Variants in RBFOX1 observed in about 807,000 individuals in gnomAD.
RBFOX1 encodes RNA binding protein fox-1 homolog 1.
RBFOX1 carries 8 observed loss-of-function variants against 57.7 expected under a neutral mutation model. The observed-to-expected ratio is 0.14, with a 90% CI of 0.08 to 0.25. RBFOX1 has a LOEUF of 0.25. Ranked by LOEUF, RBFOX1 falls within the 10% of genes least tolerant of loss-of-function variation. The probability of loss-of-function intolerance (pLI) is 1.00; values close to 1 mark genes in which losing one functional copy is unlikely to be tolerated. For synonymous variants in RBFOX1, 326 were observed against 222.4 expected (o/e 1.47, Z -4.15); for missense variants, 611 against 548.5 (o/e 1.11, Z -1.14).
intron 4 of RBFOX1, among the ~76,000 whole-genome samples, chr16:7,403,667 C>G (rs973079570): frequency 2.6e-5 from 4 of 151,272 alleles, no homozygotes; most frequent in Admixed American, 6.6e-5. Flanking sequence ...CTGCCTCAGC[C>G]TCCTGAATAG....
intron 3 of RBFOX1, among the ~76,000 whole-genome samples, chr16:5,765,560 G>GTT (rs2053747054): frequency 6.6e-6 from 1 of 152,224 alleles, no homozygotes; most frequent in South Asian, 2.1e-4. Flanking sequence ...GACACACAGA[G>GTT]AGTGCTTAAT....
At chr16:5,676,179 GCAAA>G in intron 3 of RBFOX1, among the ~76,000 whole-genome samples, 1 of 151,850 alleles carries the variant, frequency 6.6e-6, no homozygotes, top group East Asian at 1.9e-4. Context: ...GATAGGTGTA[GCAAA>G]CCACCATGGC....
chr16:7,100,333 TG>T (rs947585437), intron 4 of RBFOX1, among the ~76,000 whole-genome samples: 3 of 152,118 alleles, frequency 2.0e-5, no homozygotes, highest in Non-Finnish European at 2.9e-5. Flanking sequence ...TTGGACATTA[TG>T]AAAAAATTTG....
chr16:5,861,290 C>T (rs1190460233), intron 3 of RBFOX1, among the ~76,000 whole-genome samples: 5 of 152,200 alleles, frequency 3.3e-5, no homozygotes, highest in African/African-American at 7.2e-5. Context: ...ACCCCCGTGC[C>T]ACACAGGTGA....
intron 2 of RBFOX1, among the ~76,000 whole-genome samples, chr16:6,376,505 G>A (rs1271415334): frequency 6.6e-6 from 1 of 152,128 alleles, no homozygotes; most frequent in Non-Finnish European, 1.5e-5. Flanking sequence ...GCATTCCCTG[G>A]CATTCTGCGG....
chr16:7,369,519 T>C (rs1360731439), intron 4 of RBFOX1, among the ~76,000 whole-genome samples: 1 of 152,184 alleles, frequency 6.6e-6, no homozygotes, highest in Non-Finnish European at 1.5e-5. Context: ...TCCTAGTTAC[T>C]CTTTACATGG....
chr16:6,571,409 G>C (rs578074034), intron 2 of RBFOX1, among the ~76,000 whole-genome samples: 1 of 152,320 alleles, frequency 6.6e-6, no homozygotes, highest in Non-Finnish European at 1.5e-5. Context: ...TCAGGTGACT[G>C]TGATCTATGG....
At chr16:6,733,259 C>G (rs1377180346) in intron 3 of RBFOX1, among the ~76,000 whole-genome samples, 3 of 152,028 alleles carry the variant, frequency 2.0e-5, no homozygotes, top group Non-Finnish European at 2.9e-5. Context: ...TGAAATTTGG[C>G]CTTCAGTGTG....
At chr16:5,856,599 AT>A (rs1295561390) in intron 3 of RBFOX1, among the ~76,000 whole-genome samples, 1,489 of 104,480 alleles carry the variant, frequency 0.014, 192 homozygotes, top group Non-Finnish European at 0.02. Context: ...ATATATATAT[AT>A]ATATAATCTT....
At chr16:7,578,914 C>T (rs989744843) in intron 5 of RBFOX1, among the ~76,000 whole-genome samples, 1 of 152,136 alleles carries the variant, frequency 6.6e-6, no homozygotes, top group Non-Finnish European at 1.5e-5. Context: ...AATGTAACGT[C>T]ATGTTATACA....
intron 4 of RBFOX1, among the ~76,000 whole-genome samples, chr16:7,421,018 A>G (rs1376744533): frequency 6.6e-6 from 1 of 151,370 alleles, no homozygotes; most frequent in East Asian, 1.9e-4. Flanking sequence ...TGGGAGGCGA[A>G]ATTGTGACGC....
Position 7,106,984 on chromosome 16 carries a change from A to ACACACACACACAC in RBFOX1, c.27+54886_27+54887insCACACACACACAC, listed in dbSNP as rs1567282011. On this transcript the variant is annotated intron_variant, in intron 4 of 15. Transcript: ENST00000550418. ...ATTCCCATGTAAGCCACACAGTTAAAACACACACACACACACACACACACT... is the reference window on the plus strand; with the variant it reads ...ATTCCCATGTAAGCCACACAGTTAAACACACACACACACACACACACACACACACACACACACT... Among the ~76,000 whole-genome samples, 437 of 148,622 alleles carry ACACACACACACAC rather than the reference A, an allele frequency of 2.9e-3. 5 individuals carry two copies. The highest frequency in any genetic ancestry group is 9.8e-3 in the African/African-American group (396 of 40,286).
intron 2 of RBFOX1, among the ~76,000 whole-genome samples, chr16:5,559,714 C>G (rs1011961476): frequency 6.6e-6 from 1 of 152,196 alleles, no homozygotes; most frequent in African/African-American, 2.4e-5. Flanking sequence ...CTCTTTCTTC[C>G]TAGGTCATTC....
At chr16:7,508,071 C>G (rs1265139275) in intron 4 of RBFOX1, among the ~76,000 whole-genome samples, 1 of 152,032 alleles carries the variant, frequency 6.6e-6, no homozygotes, top group Non-Finnish European at 1.5e-5. Context: ...ACTGCACACT[C>G]CACCTCCCGG....
chr16:6,878,516 T>C (rs545131423), intron 3 of RBFOX1, among the ~76,000 whole-genome samples: 1 of 152,318 alleles, frequency 6.6e-6, no homozygotes, highest in South Asian at 2.1e-4. Flanking sequence ...TAAACTTTTG[T>C]TATTCCTGGA....
At chr16:5,701,751 A>G (rs2051057320) in intron 3 of RBFOX1, among the ~76,000 whole-genome samples, 1 of 152,184 alleles carries the variant, frequency 6.6e-6, no homozygotes, top group African/African-American at 2.4e-5. Flanking sequence ...AGGACCTTTG[A>G]TGACCATCTT....
intron 3 of RBFOX1, chr16:6,773,918 G>T (rs939915431): frequency 1.0e-6 from 1 of 983,474 alleles, no homozygotes. Flanking sequence ...TTTGCGTTGC[G>T]GGGGTGTGGA....
Position 6,491,731 on chromosome 16 carries a change from G to C in RBFOX1, c.-63-162872G>C, listed in dbSNP as rs114849328. ...TTCATGAGGGAAGGCTGAAACTTGG[G>C]ATGGTTTTTCAAGGGTTACCAACAG... On this transcript the variant is annotated intron_variant, in intron 2 of 15. Transcript: ENST00000550418. Among the ~76,000 whole-genome samples the C allele has an allele frequency of 6.9e-3, 1,050 of 152,272 alleles. 15 individuals carry two copies. Among genetic ancestry groups the C allele is most frequent in the African/African-American group, 0.024 (985 of 41,560 alleles).
chr16:7,304,208 G>A (rs1307077383), intron 4 of RBFOX1: 3 of 846,264 alleles, frequency 3.5e-6, no homozygotes, highest in Non-Finnish European at 4.0e-6. Flanking sequence ...GAGACAGAGA[G>A]AGAGACAGAG....
Sources: gnomAD v4.1 joint callset for allele counts (sites outside exome capture counted in the v4.1 genomes callset) on GRCh38, gnomAD v4.1.1 for gene constraint, MANE v1.5 for transcripts, NCBI Gene and HGNC (gene_info 2026-07-23, HGNC 2026-07-21) for gene names.